The following ABTB3 variants were observed in gnomAD, a reference collection of about 807,000 sequenced individuals.
The protein encoded by ABTB3 is ankyrin repeat- and BTB/POZ domain-containing protein 3.
the ABTB3 span, among the ~76,000 whole-genome samples, chr12:107,448,696 A>G: frequency 6.6e-6 from 1 of 150,384 alleles, no homozygotes; most frequent in South Asian, 2.1e-4. Context: ...GCTGGAGTGC[A>G]GTGGCACAAT....
chr12:107,320,531 C>CT, the ABTB3 span: 758 of 365,942 alleles, frequency 2.1e-3, no homozygotes, highest in Middle Eastern at 0.012. Context: ...AGTGCTCCCA[C>CT]TTCCCCACTC....
At chr12:107,378,748 G>T in the ABTB3 span, among the ~76,000 whole-genome samples, 2 of 152,126 alleles carry the variant, frequency 1.3e-5, no homozygotes, top group African/African-American at 4.8e-5. Flanking sequence ...AACTGTGCTG[G>T]CTCCCTCTGT....
At chr12:107,498,600 C>T in the ABTB3 span, among the ~76,000 whole-genome samples, 131 of 152,312 alleles carry the variant, frequency 8.6e-4, 1 homozygote, top group African/African-American at 3.1e-3. Flanking sequence ...ATGGACCCAT[C>T]GTCTTTAAAG....
the ABTB3 span, among the ~76,000 whole-genome samples, chr12:107,501,490 G>A: frequency 6.6e-6 from 1 of 152,014 alleles, no homozygotes; most frequent in South Asian, 2.1e-4. Flanking sequence ...GCTTGAGGCA[G>A]GAGTTCGAGA....
At chr12:107,415,012 G>A in the ABTB3 span, among the ~76,000 whole-genome samples, 12 of 152,052 alleles carry the variant, frequency 7.9e-5, no homozygotes, top group African/African-American at 2.2e-4. Flanking sequence ...AGTGTGCCCG[G>A]CCCGATCACC....
the ABTB3 span, among the ~76,000 whole-genome samples, chr12:107,433,296 C>CAAAAAAA: frequency 3.0e-4 from 7 of 23,120 alleles, no homozygotes; most frequent in East Asian, 1.7e-3. Context: ...GACTCCGTCT[C>CAAAAAAA]AAAAAAAAAA....
chr12:107,423,215 A>AT, the ABTB3 span, among the ~76,000 whole-genome samples: 11 of 152,156 alleles, frequency 7.2e-5, no homozygotes, highest in Non-Finnish European at 8.8e-5. Flanking sequence ...GATAATAAGA[A>AT]TTTTTTCAAT....
the ABTB3 span, among the ~76,000 whole-genome samples, chr12:107,396,198 TTAA>T: frequency 4.6e-5 from 7 of 152,224 alleles, no homozygotes; most frequent in Non-Finnish European, 8.8e-5. Flanking sequence ...CCTCTGCGTG[TTAA>T]TAATACTTTA....
At chr12:107,511,322 C>T in the ABTB3 span, among the ~76,000 whole-genome samples, 1 of 152,230 alleles carries the variant, frequency 6.6e-6, no homozygotes, top group Non-Finnish European at 1.5e-5. Context: ...TGCAGCTTAA[C>T]AAACTACCTC....
At chr12:107,488,097 T>C in the ABTB3 span, among the ~76,000 whole-genome samples, 939 of 152,128 alleles carry the variant, frequency 6.2e-3, 7 homozygotes, top group African/African-American at 0.021. Context: ...GGGATGGCTG[T>C]GATGGTACAG....
At chr12:107,641,940 A>C in the ABTB3 span, 1 of 742,760 alleles carries the variant, frequency 1.3e-6, no homozygotes, top group Non-Finnish European at 2.4e-6. Context: ...AGGAGGGTTT[A>C]AATTAAGAAA....
the ABTB3 span, among the ~76,000 whole-genome samples, chr12:107,536,939 G>GT: frequency 6.6e-6 from 1 of 152,132 alleles, no homozygotes; most frequent in Non-Finnish European, 1.5e-5. Context: ...CATGTTTATT[G>GT]TAACACTATT....
chr12:107,320,130 G>T, the ABTB3 span: 12 of 1,366,062 alleles, frequency 8.8e-6, no homozygotes, highest in East Asian at 3.3e-4. Flanking sequence ...AACTCTTGGC[G>T]CAAGTTTGCC....
the ABTB3 span, among the ~76,000 whole-genome samples, chr12:107,573,066 G>C: frequency 6.6e-6 from 1 of 152,128 alleles, no homozygotes; most frequent in Non-Finnish European, 1.5e-5. Context: ...TGACCTTCAC[G>C]CTGCAAAAGA....
chr12:107,332,946 G>T, the ABTB3 span, among the ~76,000 whole-genome samples: 43 of 152,296 alleles, frequency 2.8e-4, no homozygotes, highest in Middle Eastern at 3.4e-3. Flanking sequence ...AGTTGCTATA[G>T]CTGTGCCTGT....
the ABTB3 span, among the ~76,000 whole-genome samples, chr12:107,351,526 G>A: frequency 6.6e-6 from 1 of 152,232 alleles, no homozygotes; most frequent in Non-Finnish European, 1.5e-5. Context: ...GTGCACCAGT[G>A]TTGAGAGGTG....
the ABTB3 span, chr12:107,320,488 T>C: frequency 2.2e-6 from 1 of 446,304 alleles, no homozygotes; most frequent in Non-Finnish European, 4.5e-6. Flanking sequence ...TCCCTAGGAC[T>C]TGGGAGGAGG....
chr12:107,410,246 G>C, the ABTB3 span, among the ~76,000 whole-genome samples: 1 of 124,014 alleles, frequency 8.1e-6, no homozygotes, highest in East Asian at 3.2e-4. Context: ...AAAAAAAAAA[G>C]TCAGCTACGC....
chr12:107,409,208 A>G, the ABTB3 span, among the ~76,000 whole-genome samples: 2 of 152,202 alleles, frequency 1.3e-5, no homozygotes, highest in East Asian at 3.9e-4. Context: ...GCCCCATGGA[A>G]GGGCCATGTG....
Sources: allele counts gnomAD v4.1 joint callset (sites outside exome capture counted in the v4.1 genomes callset), GRCh38; gene constraint gnomAD v4.1.1; transcripts MANE v1.5; gene names NCBI Gene and HGNC (gene_info 2026-07-23, HGNC 2026-07-21).